Variants in ZNF541 observed in about 807,000 individuals in gnomAD.
ZNF541 encodes the protein zinc finger protein 541.
In ZNF541, 23 loss-of-function variants were observed where a neutral mutation model predicts 123.5. The ratio of observed to expected loss-of-function variants is 0.19; its 90% CI spans 0.13 to 0.26. The LOEUF is 0.26. ZNF541 is among the 10% of genes least tolerant of loss of function. The pLI, the probability that ZNF541 is intolerant of heterozygous loss-of-function variation, is 1.00. For synonymous variants in ZNF541, 751 were observed against 754.5 expected, an observed-to-expected ratio of 1.00 and a Z score of 0.08; for missense variants, 1,612 against 1,789.9, an observed-to-expected ratio of 0.90 and a Z score of 1.79.
In ZNF541 at chr19:47,537,100, G is replaced by A. The variant is rs543445196; in HGVS notation, c.3094+1042C>T. Among the ~76,000 whole-genome samples the A allele has an allele frequency of 5.3e-5, 8 of 152,274 alleles. No individual in the cohort carries two copies. In the South Asian group the frequency reaches 6.2e-4, roughly 12 times the overall value. On this transcript the variant is annotated intron_variant, in intron 9 of 16. Transcript: ENST00000391901. ...AAGAAGGGACTGTGGGGATATGGGCGGAGTCACTGCTAATGAGCTCTGGCT... is the reference window on the plus strand; with the variant it reads ...AAGAAGGGACTGTGGGGATATGGGCAGAGTCACTGCTAATGAGCTCTGGCT...
At position 47,521,516 on chromosome 19, in the gene ZNF541, C is replaced by T; in HGVS notation, c.3850G>A (p.Glu1284Lys). ...CTGCATGGAAAAATGCCCTGGCTCT[C>T]TGCACTTCCCAACAGCTCGGGGGTC... ...KRTPELLGSA[E>K]SQGIFPCREC... is the part of the protein sequence containing the mutation. Residue 1284 changes from glutamate (E) to lysine (K), a missense_variant, in exon 16 of 17, where the codon GAG becomes AAG. Transcript: ENST00000391901. This position sits in a 1 kb window ranked among gnomAD's most constrained non-coding sequence, Gnocchi z 4.2. 6.4e-7 allele frequency: 1 copy of T among 1,551,626 alleles called. No individual in the cohort carries two copies. Among genetic ancestry groups the T allele is most frequent in the South Asian group, 1.2e-5 (1 of 84,060 alleles).
intron 14 of ZNF541, among the ~76,000 whole-genome samples, chr19:47,523,173 C>T (rs547378078): frequency 2.7e-5 from 4 of 150,454 alleles, no homozygotes; most frequent in African/African-American, 7.3e-5. Flanking sequence ...GGACTATAGG[C>T]GCGCACCACC....
Position 47,554,108 on chromosome 19 carries a change from T to C in ZNF541, c.307+1442A>G, listed in dbSNP as rs138745381. Among the ~76,000 whole-genome samples the C allele has an allele frequency of 5.4e-3, 829 of 152,314 alleles. 5 individuals carry two copies. The highest frequency in any genetic ancestry group is 9.5e-3 in the Non-Finnish European group (643 of 68,040). ...ATACTTAATATTATCTCTGCAAGAC[T>C]ATGTATGTCTGACTTTACCCACGTT... On this transcript the variant is annotated intron_variant, in intron 3 of 16. Coordinates refer to ENST00000391901, the MANE Select transcript of ZNF541 (RefSeq NM_001277075.3).
chr19:47,544,921 C>T lies in ZNF541; in HGVS notation c.1608G>A (p.Pro536=), dbSNP rs386834267. The T allele has an allele frequency of 6.5e-7, 1 of 1,535,860 alleles. No individual in the cohort carries two copies. Among genetic ancestry groups the T allele is most frequent in the Non-Finnish European group, 8.7e-7 (1 of 1,146,760 alleles). Residue 536 remains proline, a synonymous_variant, in exon 5 of 17, where the codon CCG becomes CCA. Coordinates refer to ENST00000391901, the MANE Select transcript of ZNF541 (RefSeq NM_001277075.3). ...KAGGLPADAS[P]LFRQLFLKSQ... The stretch of plus-strand genomic sequence containing the variant: ...ACTTGAGGAAGAGCTGGCGGAAGAG[C>T]GGCGAGGCATCCGCAGGGAGCCCGC...
intron 3 of ZNF541, among the ~76,000 whole-genome samples, chr19:47,553,267 C>T (rs1017789937): frequency 6.6e-6 from 1 of 152,030 alleles, no homozygotes; most frequent in Non-Finnish European, 1.5e-5. Flanking sequence ...GAGATGGAGT[C>T]TCACTCTGTT....
In ZNF541 at chr19:47,540,079, C is replaced by T. The variant is rs927024386; in HGVS notation, c.2622+97G>A. On this transcript the variant is annotated intron_variant, in intron 7 of 16. Transcript: ENST00000391901. ...GACTCCAGCCCCCGACCCAGAGTGA[C>T]GTCCCCATCCTGAGATAAGTGACAC... 3.1e-5 allele frequency: 45 copies of T among 1,455,958 alleles called. No individual in the cohort carries two copies. In the South Asian group the frequency reaches 4.7e-4, roughly 15 times the overall value. 90.2% of individuals were successfully genotyped at this position (1,455,958 alleles called of 1,614,324 possible).
chr19:47,521,275 G>A lies in ZNF541; in HGVS notation c.3990C>T (p.Phe1330=), dbSNP rs1319299557. 1 of 1,551,770 alleles carries A rather than the reference G, an allele frequency of 6.4e-7. No individual in the cohort carries two copies. Among genetic ancestry groups the A allele is most frequent in the Admixed American group, 2.0e-5 (1 of 51,006 alleles). The change falls in exon 17 of 17, where the codon TTC becomes TTT. Residue 1330 remains phenylalanine, a synonymous_variant. Coordinates refer to ENST00000391901, the MANE Select transcript of ZNF541 (RefSeq NM_001277075.3). This position sits in a 1 kb window ranked among gnomAD's most constrained non-coding sequence, Gnocchi z 4.2. ...CTCCCAGCTCCTCTTCCTTTAGCTG[G>A]AAGGGCTTCACTGGCCACTTCACCC... The part of the protein sequence containing the change: ...IIRVKWPVKP[F]QLKEEELGAD...
At chr19:47,541,005 A>G in intron 5 of ZNF541, 54 bp from the exon 6 acceptor site, 1 of 1,496,994 alleles carries the variant, frequency 6.7e-7, no homozygotes, top group Non-Finnish European at 9.0e-7. Flanking sequence ...AGGCAAGAAG[A>G]GCTCAAATTA....
At chr19:47,549,963 A>G (rs1268215953) in intron 3 of ZNF541, among the ~76,000 whole-genome samples, 1 of 152,106 alleles carries the variant, frequency 6.6e-6, no homozygotes, top group Non-Finnish European at 1.5e-5. Flanking sequence ...AAACAACCTA[A>G]TATCTGGGTT....
chr19:47,544,712 G>A lies in ZNF541; in HGVS notation c.1817C>T (p.Pro606Leu). Residue 606 changes from proline (P) to leucine (L), a missense_variant, in exon 5 of 17, where the codon CCT becomes CTT. Pro to Leu is a moderately conservative substitution (Grantham distance 98, BLOSUM62 -3). Around this residue, in one of 5 missense-constraint regions of ZNF541, gnomAD observed 1,080 missense variants for 1,013.8 expected, o/e 1.07. Transcript: ENST00000391901. ...PWPQQPPPLA[P>L]AVDSLHAGPG... ...GCCGGCGTGGAGAGAGTCCACAGCA[G>A]GAGCCAGTGGTGGGGGCTGCTGCGG... The A allele has an allele frequency of 6.6e-7, 1 of 1,508,480 alleles. No individual in the cohort carries two copies. Among genetic ancestry groups the A allele is most frequent in the South Asian group, 1.3e-5 (1 of 79,096 alleles). The allele number at this position is 1,508,480 out of a possible 1,614,324, so 93.4% of individuals were successfully genotyped here.
chr19:47,544,729 C>A lies in ZNF541; in HGVS notation c.1800G>T (p.Gln600His). The A allele has an allele frequency of 6.7e-7, 1 of 1,501,650 alleles. No homozygotes were observed. The highest frequency in any genetic ancestry group is 1.3e-5 in the South Asian group (1 of 78,312). The allele number at this position is 1,501,650 out of a possible 1,614,324, so 93.0% of individuals were successfully genotyped here. A position where few individuals can be genotyped will look rare whatever the true frequency, so the allele number is the denominator to read the frequency against. Residue 600 changes from glutamine (Q) to histidine (H), a missense_variant, in exon 5 of 17, where the codon CAG becomes CAT. Transcript: ENST00000391901. ...LRPLQGPWPQ[Q>H]PPPLAPAVDS... The stretch of plus-strand genomic sequence containing the variant: ...CCACAGCAGGAGCCAGTGGTGGGGG[C>A]TGCTGCGGCCACGGCCCCTGCAGCG...
At chr19:47,552,046 C>T (rs1007560070) in intron 3 of ZNF541, among the ~76,000 whole-genome samples, 4 of 150,662 alleles carry the variant, frequency 2.7e-5, no homozygotes, top group Admixed American at 6.6e-5. Flanking sequence ...TTAGTAGAGA[C>T]GGGGTTTTGC....
chr19:47,530,549 A>C (rs1969521632), intron 12 of ZNF541, among the ~76,000 whole-genome samples: 1 of 152,136 alleles, frequency 6.6e-6, no homozygotes, highest in African/African-American at 2.4e-5. Context: ...TCTCAATCAC[A>C]AGTGTAAGCC....
At chr19:47,529,094 T>C in intron 13 of ZNF541, 56 bp from the exon 14 acceptor site, 1 of 1,290,164 alleles carries the variant, frequency 7.8e-7, no homozygotes, top group Non-Finnish European at 1.1e-6. Flanking sequence ...ACCACAGCCA[T>C]GGCTGAAATG....
intron 8 of ZNF541, 169 bp from the exon 9 acceptor site, chr19:47,538,608 G>T: frequency 1.6e-6 from 1 of 629,018 alleles, no homozygotes; most frequent in Non-Finnish European, 2.6e-6. Context: ...GACGTACTGA[G>T]CCTGGCGATG....
Position 47,544,250 on chromosome 19 carries a change from T to C in ZNF541, c.2279A>G (p.Glu760Gly). The C allele has an allele frequency of 6.4e-7, 1 of 1,551,622 alleles. No homozygotes were observed. The highest frequency in any genetic ancestry group is 8.7e-7 in the Non-Finnish European group (1 of 1,147,008). ...ACAGCACATATCCATCTTCGCCTTC[T>C]CTTTCCGGAAGCCGGAGAATCGCGG... The part of the protein sequence containing the change: ...RAPRFSGFRK[E>G]KAKMDMCCAA... The change falls in exon 5 of 17, where the codon GAG (glutamate) becomes GGG (glycine). Residue 760 changes from glutamate to glycine, a missense_variant. Around this residue, in one of 5 missense-constraint regions of ZNF541, gnomAD observed 1,080 missense variants for 1,013.8 expected, o/e 1.07. Coordinates refer to ENST00000391901, the MANE Select transcript of ZNF541 (RefSeq NM_001277075.3).
chr19:47,540,449 T>C (rs1365716253), intron 6 of ZNF541, 114 bp from the exon 7 acceptor site: 4 of 1,218,500 alleles, frequency 3.3e-6, no homozygotes, highest in African/African-American at 1.6e-5. Context: ...TGACTTTTTT[T>C]TTTTTTTGGA....
Position 47,532,963 on chromosome 19 carries a change from T to A in ZNF541, c.3104A>T (p.Asp1035Val). The change falls in exon 10 of 17, where the codon GAT (aspartate) becomes GTT (valine). Residue 1035 changes from aspartate (D) to valine (V), a missense_variant. Physicochemically the swap from Asp to Val is radical, Grantham distance 152. Around this residue, in one of 5 missense-constraint regions of ZNF541, gnomAD observed 285 missense variants for 407.3 expected, o/e 0.70. Coordinates refer to ENST00000391901, the MANE Select transcript of ZNF541 (RefSeq NM_001277075.3). ...QLISSMLDQV[D>V]GSFGICVVKD... ...CACCACACAGATGCCAAAGGACCCA[T>A]CCACTTGATCTAGAAAGCACAGAGT... 1 of 1,549,258 alleles carries A rather than the reference T, an allele frequency of 6.5e-7. No individual in the cohort carries two copies. Among genetic ancestry groups the A allele is most frequent in the Non-Finnish European group, 8.7e-7 (1 of 1,145,762 alleles).
chr19:47,534,255 A>G (rs903664508), intron 9 of ZNF541, among the ~76,000 whole-genome samples: 2 of 152,324 alleles, frequency 1.3e-5, no homozygotes, highest in Non-Finnish European at 2.9e-5. Flanking sequence ...GAACAAAGAG[A>G]AAAATAAAGA....
Sources: gnomAD v4.1 joint callset for allele counts (sites outside exome capture counted in the v4.1 genomes callset) on GRCh38, gnomAD v4.1.1 for gene constraint, gnomAD v4.1.1 regional missense constraint, Gnocchi (gnomAD v3.1) non-coding constraint, MANE v1.5 for transcripts, NCBI Gene and HGNC (gene_info 2026-07-23, HGNC 2026-07-21) for gene names.